Variants in PDE4D observed in about 807,000 individuals in gnomAD.
PDE4D encodes 3',5'-cyclic-AMP phosphodiesterase 4D.
PDE4D carries 24 observed loss-of-function variants against 87.4 expected under a neutral mutation model. The observed-to-expected ratio is 0.27, with a 90% CI of 0.20 to 0.39. The LOEUF is 0.39. Among genes scored for constraint, PDE4D ranks in the 10% least tolerant of loss-of-function variants. The probability of loss-of-function intolerance (pLI) is 1.00; values close to 1 mark genes in which losing one functional copy is unlikely to be tolerated. For missense variants in PDE4D, 714 were observed against 1,041.0 expected, an observed-to-expected ratio of 0.69 and a Z score of 4.32; for synonymous variants, 384 against 383.2, an observed-to-expected ratio of 1.00 and a Z score of -0.02.
intron 2 of PDE4D, among the ~76,000 whole-genome samples, chr5:60,020,548 C>G (rs534811306): frequency 5.9e-5 from 9 of 152,124 alleles, no homozygotes. Flanking sequence ...TACACACACA[C>G]AGCCTATTGG....
At chr5:60,335,235 TC>T (rs1429170967) in intron 1 of PDE4D, 7 of 152,160 alleles carry the variant, frequency 4.6e-5, no homozygotes, top group African/African-American at 1.4e-4. Context: ...TGAACTGAAC[TC>T]AACCTTGATT....
At chr5:60,204,092 G>GC (rs1742225408) in intron 1 of PDE4D, among the ~76,000 whole-genome samples, 1 of 152,148 alleles carries the variant, frequency 6.6e-6, no homozygotes, top group Non-Finnish European at 1.5e-5. Flanking sequence ...AAAGAAGAAA[G>GC]CACCACATTG....
At chr5:59,413,219 A>G (rs186762354) in intron 1 of PDE4D, among the ~76,000 whole-genome samples, 2,549 of 152,094 alleles carry the variant, frequency 0.017, 36 homozygotes, top group Non-Finnish European at 0.027. Flanking sequence ...GCACTTTGGG[A>G]GGCCAAGGTG....
At chr5:59,788,492 C>T (rs1278062017) in intron 1 of PDE4D, among the ~76,000 whole-genome samples, 4 of 152,174 alleles carry the variant, frequency 2.6e-5, no homozygotes, top group African/African-American at 9.7e-5. Context: ...CATATAATTC[C>T]GTACAGTATC....
chr5:59,675,856 A>G (rs1580342885), intron 1 of PDE4D, among the ~76,000 whole-genome samples: 1 of 151,912 alleles, frequency 6.6e-6, no homozygotes, highest in East Asian at 1.9e-4. Context: ...CACCTGGATA[A>G]TTTTTTTGTA....
At chr5:60,095,787 ACT>A (rs1160004953) in intron 2 of PDE4D, among the ~76,000 whole-genome samples, 12 of 152,080 alleles carry the variant, frequency 7.9e-5, no homozygotes, top group Admixed American at 7.9e-4. Context: ...TGCCATTCTA[ACT>A]GGCGTGAGAT....
intron 1 of PDE4D, among the ~76,000 whole-genome samples, chr5:59,643,462 G>A (rs1283909241): frequency 6.6e-6 from 1 of 152,114 alleles, no homozygotes; most frequent in African/African-American, 2.4e-5. Context: ...TTTTGGGGGT[G>A]ATATATATTT....
At chr5:59,463,005 A>AC (rs779127565) in intron 1 of PDE4D, among the ~76,000 whole-genome samples, 7 of 152,166 alleles carry the variant, frequency 4.6e-5, no homozygotes, top group Non-Finnish European at 1.0e-4. Flanking sequence ...TTTACATATA[A>AC]TCTTGTAAGC....
intron 3 of PDE4D, among the ~76,000 whole-genome samples, chr5:59,189,764 G>C (rs948979369): frequency 6.6e-6 from 1 of 152,254 alleles, no homozygotes; most frequent in East Asian, 1.9e-4. Context: ...AAACACAAGA[G>C]AATACTTTAA....
At chr5:59,402,621 C>A (rs35519507) in intron 1 of PDE4D, among the ~76,000 whole-genome samples, 63,735 of 151,746 alleles carry the variant, frequency 0.42, 13,668 homozygotes, top group East Asian at 0.49. Flanking sequence ...TGATAATCAA[C>A]ACAGGACATT....
chr5:60,188,051 G>A (rs1784921755), intron 1 of PDE4D, among the ~76,000 whole-genome samples: 1 of 151,992 alleles, frequency 6.6e-6, no homozygotes, highest in Non-Finnish European at 1.5e-5. Context: ...TTTTCTCTTA[G>A]TATCAAATGG....
chr5:59,666,075 C>T (rs1305972412), intron 1 of PDE4D, among the ~76,000 whole-genome samples: 1 of 152,184 alleles, frequency 6.6e-6, no homozygotes, highest in Non-Finnish European at 1.5e-5. Context: ...ATTCTCCTGC[C>T]TCAGACTCCC....
At chr5:59,935,543 C>A (rs187965484) in intron 3 of PDE4D, among the ~76,000 whole-genome samples, 1 of 152,246 alleles carries the variant, frequency 6.6e-6, no homozygotes, top group African/African-American at 2.4e-5. Context: ...TCAATTCTTG[C>A]AAAGTTGGCT....
chr5:59,618,052 C>T (rs148584585), intron 1 of PDE4D, among the ~76,000 whole-genome samples: 1 of 151,840 alleles, frequency 6.6e-6, no homozygotes, highest in East Asian at 1.9e-4. Flanking sequence ...TCATTTCATT[C>T]CTTCAACAAT....
At chr5:59,214,742 G>A (rs1406486533) in intron 2 of PDE4D, among the ~76,000 whole-genome samples, 6 of 152,156 alleles carry the variant, frequency 3.9e-5, no homozygotes, top group African/African-American at 1.2e-4. Context: ...ATGAAGAAGG[G>A]TAGACGTCAA....
intron 1 of PDE4D, among the ~76,000 whole-genome samples, chr5:59,357,472 C>A (rs1056604661): frequency 2.6e-5 from 4 of 152,096 alleles, no homozygotes; most frequent in Admixed American, 6.5e-5. Context: ...AAAATACCAG[C>A]GCCTCTCTAA....
chr5:60,485,908 C>T (rs1749100802), intron 1 of PDE4D, among the ~76,000 whole-genome samples: 1 of 152,194 alleles, frequency 6.6e-6, no homozygotes, highest in African/African-American at 2.4e-5. Flanking sequence ...AGTATACACC[C>T]ACCAGAATTT....
chr5:59,011,070 G>C (rs1378824270), intron 6 of PDE4D, among the ~76,000 whole-genome samples: 1 of 152,162 alleles, frequency 6.6e-6, no homozygotes, highest in East Asian at 1.9e-4. Context: ...CAGACCCACA[G>C]CTGAGGGTCC....
intron 1 of PDE4D, among the ~76,000 whole-genome samples, chr5:60,417,824 A>C (rs1742740695): frequency 6.6e-6 from 1 of 152,198 alleles, no homozygotes; most frequent in Non-Finnish European, 1.5e-5. Context: ...ATTTAGAGAA[A>C]GACAAACACA....
Sources: gnomAD v4.1 joint callset for allele counts (sites outside exome capture counted in the v4.1 genomes callset) on GRCh38, gnomAD v4.1.1 for gene constraint, MANE v1.5 for transcripts, NCBI Gene and HGNC (gene_info 2026-07-23, HGNC 2026-07-21) for gene names.